FLT1: variants seen among roughly 807,000 people sequenced by gnomAD.
FLT1 encodes the protein fms related receptor tyrosine kinase 1.
A neutral mutation model predicts 156.3 loss-of-function variants in FLT1; 49 were observed. The observed-to-expected ratio is 0.31, with a 90% CI of 0.25 to 0.40. The LOEUF (loss-of-function observed/expected upper bound fraction) is 0.40, where lower values mean the gene tolerates loss of function less well. Ranked by LOEUF, FLT1 falls within the 10% of genes least tolerant of loss-of-function variation. FLT1 has a pLI of 1.00. For missense variants in FLT1, 1,322 were observed against 1,637.2 expected (o/e 0.81, Z 3.32); for synonymous variants, 594 against 583.8 (o/e 1.02, Z -0.25).
chr13:28,445,390 C>G (rs1402834963), intron 3 of FLT1, among the ~76,000 whole-genome samples: 1 of 152,068 alleles, frequency 6.6e-6, no homozygotes, highest in Admixed American at 6.6e-5. Context: ...GCAGGAGAAT[C>G]GCTTGAACCC....
chr13:28,391,525 G>A (rs1336243101), intron 12 of FLT1, among the ~76,000 whole-genome samples: 2 of 152,246 alleles, frequency 1.3e-5, no homozygotes, highest in Non-Finnish European at 2.9e-5. Context: ...GGCGGAACCA[G>A]TGTACATCTT....
rs1167606571 is a variant in FLT1 at position 28,322,369 on chromosome 13, ATTAGAACCGTAACTGT to A, written c.2954-26_2954-11del. 1 of 1,563,916 alleles carries A rather than the reference ATTAGAACCGTAACTGT, an allele frequency of 6.4e-7. No homozygotes were observed. The highest frequency in any genetic ancestry group is 8.8e-7 in the Non-Finnish European group (1 of 1,134,338). ...TAGAAACCGTCAGAATCTGGAAAGC[ATTAGAACCGTAACTGT>A]TTGTAATGGCTCTTGTTATCCCACC... On this transcript the variant is annotated splice_polypyrimidine_tract_variant and intron_variant, in intron 21 of 29. Transcript: ENST00000282397. This position sits in a 1 kb window ranked among gnomAD's most constrained non-coding sequence, Gnocchi z 4.3.
chr13:28,407,464 C>T (rs1292998951), intron 10 of FLT1, among the ~76,000 whole-genome samples: 2 of 152,110 alleles, frequency 1.3e-5, no homozygotes, highest in African/African-American at 4.8e-5. Context: ...AAATCTCAGG[C>T]ATCTTGTCAT....
Position 28,432,101 on chromosome 13 carries a change from T to C in FLT1, c.814-791A>G, listed in dbSNP as rs552516130. 3.3e-5 allele frequency among the ~76,000 whole-genome samples: 5 copies of C among 152,238 alleles called. No individual in the cohort carries two copies. In the East Asian group the frequency reaches 9.7e-4, roughly 29 times the overall value. On this transcript the variant is annotated intron_variant, in intron 6 of 29. Transcript: ENST00000282397. ...ACTGTTTTGAGAAGACAAGATCACA[T>C]TGCCGTCTCCTTTTTTTTTTAAGCA...
chr13:28,423,500 T>TC (rs35688603), intron 10 of FLT1, among the ~76,000 whole-genome samples: 40,372 of 152,128 alleles, frequency 0.27, 6,119 homozygotes, highest in Non-Finnish European at 0.35. Flanking sequence ...GCAAAACTGC[T>TC]CACTGTTGTC....
intron 28 of FLT1, among the ~76,000 whole-genome samples, chr13:28,307,832 C>T (rs972944347): frequency 6.6e-6 from 1 of 151,572 alleles, no homozygotes; most frequent in Non-Finnish European, 1.5e-5. Flanking sequence ...AGTGCAGTGG[C>T]GCGATCTCGG....
At chr13:28,434,313 C>T in intron 4 of FLT1, 93 bp from the exon 5 acceptor site, 1 of 1,217,306 alleles carries the variant, frequency 8.2e-7, no homozygotes, top group Non-Finnish European at 1.2e-6. Context: ...GATTTTTCAT[C>T]TAAAATGAAA....
chr13:28,348,716 C>T (rs747952913), intron 15 of FLT1, among the ~76,000 whole-genome samples: 2 of 152,060 alleles, frequency 1.3e-5, no homozygotes, highest in South Asian at 2.1e-4. Flanking sequence ...GAGACCATCC[C>T]GGCTAATACC....
At chr13:28,328,962 C>T (rs950151228) in intron 19 of FLT1, among the ~76,000 whole-genome samples, 1 of 152,202 alleles carries the variant, frequency 6.6e-6, no homozygotes, top group Non-Finnish European at 1.5e-5. Flanking sequence ...TAACCACCTC[C>T]GCCCCTAGCA....
At chr13:28,313,064 C>T (rs540719495) in intron 25 of FLT1, among the ~76,000 whole-genome samples, 51 of 152,100 alleles carry the variant, frequency 3.4e-4, no homozygotes, top group African/African-American at 8.4e-4. Flanking sequence ...CTGCAACCTC[C>T]GGCTCCCAGG....
intron 17 of FLT1, 31 bp from the exon 18 acceptor site, chr13:28,334,160 G>T: frequency 7.0e-7 from 1 of 1,437,480 alleles, no homozygotes; most frequent in Non-Finnish European, 9.8e-7. Flanking sequence ...TGGTTTGTTT[G>T]CCGAGGCAAT....
intron 4 of FLT1, 104 bp downstream of exon 4, chr13:28,438,117 C>T (rs1342711926): frequency 8.6e-7 from 1 of 1,168,192 alleles, no homozygotes; most frequent in Non-Finnish European, 1.3e-6. Context: ...ACTGAGAAGC[C>T]CAGGTGTTTG....
rs535197775 is a variant in FLT1 at position 28,336,514 on chromosome 13, C to G, written c.2489-2385G>C. ...CAATGCAAGGATATTGGAATCTCCT[C>G]CAAGAATGTCCTGGACTGGCCAGGG... On this transcript the variant is annotated intron_variant, in intron 17 of 29. Transcript: ENST00000282397. 1.3e-5 allele frequency among the ~76,000 whole-genome samples: 2 copies of G among 152,276 alleles called. 1 individual carries two copies. Among genetic ancestry groups the G allele is most frequent in the South Asian group, 4.2e-4 (2 of 4,814 alleles).
intron 11 of FLT1, among the ~76,000 whole-genome samples, chr13:28,405,500 T>C (rs1476013483): frequency 1.3e-5 from 2 of 152,192 alleles, no homozygotes; most frequent in African/African-American, 4.8e-5. Flanking sequence ...AGTATTCTAA[T>C]AGGCAGCCAG....
intron 20 of FLT1, among the ~76,000 whole-genome samples, chr13:28,325,124 A>G (rs796413492): frequency 4.0e-4 from 61 of 152,358 alleles, no homozygotes; most frequent in African/African-American, 1.4e-3. Flanking sequence ...CAAGTTGCAC[A>G]GGGAGGCAAA....
chr13:28,330,495 C>T (rs774556371), intron 18 of FLT1, among the ~76,000 whole-genome samples: 1 of 151,424 alleles, frequency 6.6e-6, no homozygotes, highest in Non-Finnish European at 1.5e-5. Context: ...GCAAAAGCCA[C>T]TCCGACCCAC....
chr13:28,329,725 C>T lies in FLT1; in HGVS notation c.2597G>A (p.Gly866Glu). The change falls in exon 19 of 30, where the codon GGG becomes GAG. Residue 866 changes from glycine (G) to glutamate (E), a missense_variant. By Grantham distance (98) the Gly-to-Glu change is moderately conservative. Transcript: ENST00000282397. ...AGCTTTGTACTCGCTGGCCGTGGCCCCCTCTGTGTGAGAAGCAAGGAAGAG... is the reference window on the plus strand; with the variant it reads ...AGCTTTGTACTCGCTGGCCGTGGCCTCCTCTGTGTGAGAAGCAAGGAAGAG... The part of the protein sequence containing the change: ...RTVAVKMLKE[G>E]ATASEYKALM... The T allele has an allele frequency of 6.2e-7, 1 of 1,613,428 alleles. No homozygotes were observed. The highest frequency in any genetic ancestry group is 1.7e-5 in the Admixed American group (1 of 60,012).
At chr13:28,338,299 A>G (rs983876382) in intron 17 of FLT1, among the ~76,000 whole-genome samples, 1 of 152,120 alleles carries the variant, frequency 6.6e-6, no homozygotes, top group Non-Finnish European at 1.5e-5. Flanking sequence ...ACAAGCTCCA[A>G]GAACACTGGA....
intron 8 of FLT1, among the ~76,000 whole-genome samples, chr13:28,428,170 G>C (rs1226572492): frequency 6.6e-6 from 1 of 152,160 alleles, no homozygotes; most frequent in Non-Finnish European, 1.5e-5. Context: ...CAGTAGCTTA[G>C]TGTGCCCACA....
Sources: gnomAD v4.1 joint callset for allele counts (sites outside exome capture counted in the v4.1 genomes callset) on GRCh38, gnomAD v4.1.1 for gene constraint, Gnocchi (gnomAD v3.1) non-coding constraint, MANE v1.5 for transcripts, NCBI Gene and HGNC (gene_info 2026-07-23, HGNC 2026-07-21) for gene names.